SPMIP7: variants seen among roughly 807,000 people sequenced by gnomAD.
SPMIP7 encodes the protein protein SPMIP7.
chr7:50,158,705 C>T, the SPMIP7 span, among the ~76,000 whole-genome samples: 2 of 152,122 alleles, frequency 1.3e-5, no homozygotes, highest in South Asian at 4.1e-4. Context: ...CCGCCCCTCA[C>T]TCCTCCTTGG....
the SPMIP7 span, chr7:50,140,057 C>T: frequency 1.0e-6 from 1 of 968,032 alleles, no homozygotes. Flanking sequence ...AGGCTTTTGT[C>T]TTAATTAGAG....
chr7:50,101,822 A>G, the SPMIP7 span, among the ~76,000 whole-genome samples: 23 of 152,192 alleles, frequency 1.5e-4, no homozygotes, highest in Admixed American at 1.5e-3. Flanking sequence ...TGGTTCTTAA[A>G]ACTGAAATGA....
chr7:50,141,533 T>TGG, the SPMIP7 span: 1 of 614,344 alleles, frequency 1.6e-6, no homozygotes. Context: ...AAAAGAAATG[T>TGG]GGTTTGTCAC....
At chr7:50,129,043 AT>A in the SPMIP7 span, among the ~76,000 whole-genome samples, 1 of 152,080 alleles carries the variant, frequency 6.6e-6, no homozygotes, top group African/African-American at 2.4e-5. Context: ...TACTAAAAAA[AT>A]CATCACTAGA....
the SPMIP7 span, among the ~76,000 whole-genome samples, chr7:50,131,852 T>C: frequency 6.6e-6 from 1 of 152,032 alleles, no homozygotes; most frequent in South Asian, 2.1e-4. Flanking sequence ...CACAGAGAAA[T>C]GGATGAAGAG....
the SPMIP7 span, among the ~76,000 whole-genome samples, chr7:50,129,128 A>G: frequency 1.3e-5 from 2 of 152,020 alleles, no homozygotes; most frequent in Admixed American, 1.3e-4. Flanking sequence ...AGAACTAGAA[A>G]AAGTTTACAT....
the SPMIP7 span, among the ~76,000 whole-genome samples, chr7:50,122,702 A>G: frequency 6.0e-4 from 91 of 151,518 alleles, no homozygotes; most frequent in Non-Finnish European, 9.8e-4. Context: ...TCTACAATGA[A>G]CTCAAACAAA....
At chr7:50,158,772 C>T in the SPMIP7 span, among the ~76,000 whole-genome samples, 1 of 152,044 alleles carries the variant, frequency 6.6e-6, no homozygotes, top group Non-Finnish European at 1.5e-5. Context: ...CCCCAGCGTG[C>T]CCTGGGCCCT....
the SPMIP7 span, chr7:50,151,385 A>G: frequency 6.2e-6 from 8 of 1,283,278 alleles, no homozygotes; most frequent in South Asian, 8.1e-5. Flanking sequence ...GCTAGTTACC[A>G]TGACAATTTC....
chr7:50,148,121 T>A, the SPMIP7 span, among the ~76,000 whole-genome samples: 4 of 152,236 alleles, frequency 2.6e-5, no homozygotes, highest in Non-Finnish European at 5.9e-5. Context: ...GCACTTAAGA[T>A]GGCAAAATTC....
the SPMIP7 span, among the ~76,000 whole-genome samples, chr7:50,125,405 T>TATAC: frequency 3.4e-5 from 5 of 147,580 alleles, no homozygotes; most frequent in Admixed American, 1.4e-4. Flanking sequence ...TATACATATA[T>TATAC]ATATAAAGAA....
At chr7:50,138,447 G>A in the SPMIP7 span, among the ~76,000 whole-genome samples, 1 of 152,158 alleles carries the variant, frequency 6.6e-6, no homozygotes, top group African/African-American at 2.4e-5. Flanking sequence ...CATCACATAC[G>A]AAAAACACAT....
the SPMIP7 span, among the ~76,000 whole-genome samples, chr7:50,157,660 A>T: frequency 6.6e-6 from 1 of 152,226 alleles, no homozygotes; most frequent in African/African-American, 2.4e-5. Context: ...TTAATTTCCC[A>T]TACCAGCATT....
the SPMIP7 span, among the ~76,000 whole-genome samples, chr7:50,119,914 C>T: frequency 9.2e-5 from 14 of 152,296 alleles, no homozygotes; most frequent in African/African-American, 3.4e-4. Context: ...AGGGACCACA[C>T]ACAGAAAATA....
chr7:50,108,100 G>A, the SPMIP7 span, among the ~76,000 whole-genome samples: 2 of 152,150 alleles, frequency 1.3e-5, no homozygotes, highest in African/African-American at 2.4e-5. Context: ...CTACTTCAAT[G>A]TGATTACTTT....
the SPMIP7 span, among the ~76,000 whole-genome samples, chr7:50,155,874 C>CCCTCACTATACACA: frequency 5.3e-5 from 8 of 152,080 alleles, no homozygotes; most frequent in South Asian, 2.1e-4. Flanking sequence ...TCATCCATGG[C>CCCTCACTATACACA]CTGAGTGGGA....
At chr7:50,151,236 T>C in the SPMIP7 span, among the ~76,000 whole-genome samples, 2 of 152,296 alleles carry the variant, frequency 1.3e-5, no homozygotes, top group Admixed American at 6.5e-5. Flanking sequence ...GACCCCAGCA[T>C]AGGGCTGTTA....
chr7:50,096,645 G>A, the SPMIP7 span: 6 of 1,516,122 alleles, frequency 4.0e-6, no homozygotes, highest in South Asian at 6.4e-5. Flanking sequence ...GGAGGTAAAT[G>A]AAGTGACATG....
At chr7:50,121,349 G>A in the SPMIP7 span, 1 of 152,170 alleles carries the variant, frequency 6.6e-6, no homozygotes, top group Non-Finnish European at 1.5e-5. Context: ...TGAACCAACT[G>A]CAACCTAACA....
Sources: gnomAD v4.1 joint callset for allele counts (sites outside exome capture counted in the v4.1 genomes callset) on GRCh38, gnomAD v4.1.1 for gene constraint, MANE v1.5 for transcripts, NCBI Gene and HGNC (gene_info 2026-07-23, HGNC 2026-07-21) for gene names.